RNF138: variants seen among roughly 807,000 people sequenced by gnomAD.
RNF138 encodes E3 ubiquitin-protein ligase RNF138.
A neutral mutation model predicts 31.0 loss-of-function variants in RNF138; 12 were observed. The observed-to-expected ratio is 0.39, with a 90% CI of 0.25 to 0.63. The LOEUF is 0.63. Ranked by LOEUF, RNF138 falls within the 20% of genes least tolerant of loss-of-function variation. The pLI is 0.52. For missense variants in RNF138, 192 were observed against 300.1 expected, an observed-to-expected ratio of 0.64 and a Z score of 2.66; for synonymous variants, 105 against 99.5, an observed-to-expected ratio of 1.06 and a Z score of -0.33.
At chr18:32,097,944 ATGTGTGTGTGTG>A (rs34814991) in intron 2 of RNF138, among the ~76,000 whole-genome samples, 15 of 87,328 alleles carry the variant, frequency 1.7e-4, no homozygotes, top group South Asian at 6.9e-4. Flanking sequence ...GTATGTATAT[ATGTGTGTGTGTG>A]TGTGTGTGTG....
chr18:32,106,281 G>C (rs568222952), intron 2 of RNF138, among the ~76,000 whole-genome samples: 7 of 152,198 alleles, frequency 4.6e-5, no homozygotes, highest in Non-Finnish European at 8.8e-5. Context: ...TTTAGTGTGC[G>C]GGTATGCAGA....
rs2040447421 is a variant in RNF138 at position 32,130,003 on chromosome 18, T to C, written c.*816T>C. The stretch of plus-strand genomic sequence containing the variant: ...TATTAGAAACTTTCAGTTGGTGATA[T>C]TGTATTCTAGAAGATATAAATGAGA... On this transcript the variant is annotated 3_prime_UTR_variant, in exon 8 of 8. Coordinates refer to ENST00000261593, the MANE Select transcript of RNF138 (RefSeq NM_016271.5). 1 of 152,326 alleles carries C rather than the reference T, an allele frequency of 6.6e-6. No homozygotes were observed. Among genetic ancestry groups the C allele is most frequent in the South Asian group, 2.1e-4 (1 of 4,832 alleles). 9.4% of individuals were successfully genotyped at this position (152,326 alleles called of 1,614,324 possible).
intron 2 of RNF138, among the ~76,000 whole-genome samples, chr18:32,098,197 A>G (rs2039849640): frequency 6.6e-6 from 1 of 151,994 alleles, no homozygotes; most frequent in Admixed American, 6.6e-5. Context: ...CATGTTGGCC[A>G]GGCTGGTTTT....
chr18:32,107,333 A>G (rs1175698574), intron 2 of RNF138, among the ~76,000 whole-genome samples: 2 of 88,800 alleles, frequency 2.3e-5, no homozygotes, highest in Non-Finnish European at 4.6e-5. Context: ...TGTGTTGCCC[A>G]GGCTGGTCTC....
rs2040355167 is a variant in RNF138 at position 32,124,517 on chromosome 18, A to G, written c.450-217A>G. Reference sequence around the variant, plus strand: ...TGTTTTGGCCTAGAGGTGCCATGAAAAAATTTATTGAGGACACTAAGAGTA... The same window carrying G: ...TGTTTTGGCCTAGAGGTGCCATGAAGAAATTTATTGAGGACACTAAGAGTA... On this transcript the variant is annotated intron_variant, in intron 5 of 7. Transcript: ENST00000261593. The G allele has an allele frequency of 3.6e-5, 16 of 438,998 alleles. No homozygotes were observed. The South Asian group carries it at 6.0e-4, about 16-fold the overall frequency. 27.2% of individuals were successfully genotyped at this position (438,998 alleles called of 1,614,324 possible).
At chr18:32,120,654 C>T (rs572461770) in intron 4 of RNF138, among the ~76,000 whole-genome samples, 28 of 152,084 alleles carry the variant, frequency 1.8e-4, no homozygotes, top group Non-Finnish European at 4.0e-4. Flanking sequence ...ACAAGGATGA[C>T]TAGGAAGAAC....
intron 2 of RNF138, among the ~76,000 whole-genome samples, chr18:32,100,725 C>T (rs964010258): frequency 6.6e-6 from 1 of 152,130 alleles, no homozygotes; most frequent in African/African-American, 2.4e-5. Context: ...ATCCACCCAC[C>T]TCGGCCTACC....
intron 4 of RNF138, among the ~76,000 whole-genome samples, chr18:32,118,019 A>G (rs1424259736): frequency 1.3e-5 from 2 of 152,186 alleles, no homozygotes; most frequent in African/African-American, 4.8e-5. Flanking sequence ...TTGACTCTGT[A>G]AACGTTAGTA....
At chr18:32,098,560 A>T (rs1233506547) in intron 2 of RNF138, among the ~76,000 whole-genome samples, 1 of 232 alleles carries the variant, frequency 4.3e-3, no homozygotes, top group African/African-American at 0.016. Context: ...TAATTATATA[A>T]TAAAGGTTGA....
intron 6 of RNF138, among the ~76,000 whole-genome samples, chr18:32,125,630 T>G (rs558440569): frequency 6.6e-6 from 1 of 152,048 alleles, no homozygotes; most frequent in African/African-American, 2.4e-5. Context: ...CTAGGAAAAG[T>G]TGTGAAAGAA....
At position 32,094,788 on chromosome 18, in the gene RNF138, A is replaced by G. The variant is rs552792475; in HGVS notation, c.110+1902A>G. Among the ~76,000 whole-genome samples the G allele has an allele frequency of 8.5e-5, 13 of 152,202 alleles. No homozygotes were observed. In the South Asian group the frequency reaches 2.3e-3, roughly 27 times the overall value. Reference sequence around the variant, plus strand: ...GTTGTAATAGCTGCTAACTATATATATATATATAAAGCAGGTCTTTTTTGG... The same window carrying G: ...GTTGTAATAGCTGCTAACTATATATGTATATATAAAGCAGGTCTTTTTTGG... On this transcript the variant is annotated intron_variant, in intron 2 of 7. Coordinates refer to ENST00000261593, the MANE Select transcript of RNF138 (RefSeq NM_016271.5).
chr18:32,093,741 C>G (rs2039753048), intron 2 of RNF138, among the ~76,000 whole-genome samples: 1 of 152,152 alleles, frequency 6.6e-6, no homozygotes, highest in Admixed American at 6.6e-5. Flanking sequence ...GGCATATTTA[C>G]AAGAACTTTG....
Position 32,129,263 on chromosome 18 carries a change from C to G in RNF138, c.*76C>G, listed in dbSNP as rs1176283464. On this transcript the variant is annotated 3_prime_UTR_variant, in exon 8 of 8. Transcript: ENST00000261593. ...GGGAAACTACATGAAGTCACCGTTACAGTAACTTGATGTGTATATTAATAA... is the reference window on the plus strand; with the variant it reads ...GGGAAACTACATGAAGTCACCGTTAGAGTAACTTGATGTGTATATTAATAA... 2.1e-6 allele frequency: 2 copies of G among 937,788 alleles called. No homozygotes were observed. The highest frequency in any genetic ancestry group is 1.8e-5 in the Admixed American group (1 of 56,744). 58.1% of individuals were successfully genotyped at this position (937,788 alleles called of 1,614,324 possible).
intron 4 of RNF138, among the ~76,000 whole-genome samples, chr18:32,115,088 C>T (rs2040193563): frequency 6.6e-6 from 1 of 151,940 alleles, no homozygotes; most frequent in African/African-American, 2.4e-5. Flanking sequence ...ATTGTAATTT[C>T]CTATCTGCTT....
chr18:32,102,681 G>A (rs73415858), intron 2 of RNF138, among the ~76,000 whole-genome samples: 12,275 of 151,586 alleles, frequency 0.081, 636 homozygotes, highest in African/African-American at 0.14. Context: ...TGCCCAGGCT[G>A]GAGTACAGTG....
intron 2 of RNF138, among the ~76,000 whole-genome samples, chr18:32,108,642 T>G (rs1397191072): frequency 1.3e-5 from 2 of 151,990 alleles, no homozygotes; most frequent in African/African-American, 2.4e-5. Context: ...TCTAGCAAAT[T>G]TTTTCTGATT....
At chr18:32,124,591 A>G (rs2040356276) in intron 5 of RNF138, 143 bp from the exon 6 acceptor site, 2 of 599,572 alleles carry the variant, frequency 3.3e-6, no homozygotes, top group Admixed American at 2.8e-5. Context: ...TCCTGAATAC[A>G]TATGTTCAAA....
At chr18:32,119,610 G>A (rs1014244345) in intron 4 of RNF138, among the ~76,000 whole-genome samples, 4 of 152,090 alleles carry the variant, frequency 2.6e-5, no homozygotes, top group African/African-American at 9.7e-5. Flanking sequence ...TTTTGGTAGA[G>A]ACAGAGTTTT....
chr18:32,100,625 G>A (rs1011002721), intron 2 of RNF138, among the ~76,000 whole-genome samples: 2 of 151,974 alleles, frequency 1.3e-5, no homozygotes, highest in African/African-American at 2.4e-5. Flanking sequence ...AAAGGCATGC[G>A]CCACCAGGCC....
Sources: gnomAD v4.1 joint callset for allele counts (sites outside exome capture counted in the v4.1 genomes callset) on GRCh38, gnomAD v4.1.1 for gene constraint, MANE v1.5 for transcripts, NCBI Gene and HGNC (gene_info 2026-07-23, HGNC 2026-07-21) for gene names.